Variants in BMAL2 observed in about 807,000 individuals in gnomAD.
The protein encoded by BMAL2 is basic helix-loop-helix ARNT-like protein 2.
chr12:27,372,668 A>AT, the BMAL2 span, among the ~76,000 whole-genome samples: 7 of 151,332 alleles, frequency 4.6e-5, no homozygotes, highest in Middle Eastern at 3.4e-3. Context: ...ACTTATTATT[A>AT]TTTTTTTTTA....
the BMAL2 span, among the ~76,000 whole-genome samples, chr12:27,420,163 A>G: frequency 2.0e-5 from 3 of 152,198 alleles, no homozygotes; most frequent in African/African-American, 7.2e-5. Flanking sequence ...GTAGCAGATG[A>G]ATTAGGTGCA....
the BMAL2 span, chr12:27,420,253 C>A: frequency 2.1e-6 from 2 of 974,320 alleles, no homozygotes; most frequent in South Asian, 1.6e-5. Flanking sequence ...AAGATATATA[C>A]TTTGCCTTCA....
At chr12:27,373,352 A>G in the BMAL2 span, among the ~76,000 whole-genome samples, 2 of 152,184 alleles carry the variant, frequency 1.3e-5, no homozygotes, top group Non-Finnish European at 2.9e-5. Context: ...TGATGAGTTC[A>G]GTTCTGGACA....
At chr12:27,400,473 A>G in the BMAL2 span, 1 of 1,371,094 alleles carries the variant, frequency 7.3e-7, no homozygotes, top group Non-Finnish European at 9.8e-7. Flanking sequence ...ATGTCAATAT[A>G]AGAAATTTAA....
At chr12:27,416,398 GA>G in the BMAL2 span, among the ~76,000 whole-genome samples, 24 of 147,954 alleles carry the variant, frequency 1.6e-4, no homozygotes, top group East Asian at 1.6e-3. Context: ...TTGAGGTTTG[GA>G]AAAAAAAAGC....
chr12:27,395,944 G>A, the BMAL2 span, among the ~76,000 whole-genome samples: 2 of 152,172 alleles, frequency 1.3e-5, no homozygotes, highest in East Asian at 3.8e-4. Flanking sequence ...CTTAACAATT[G>A]TGCGACCTTA....
the BMAL2 span, among the ~76,000 whole-genome samples, chr12:27,358,462 A>G: frequency 6.6e-6 from 1 of 152,198 alleles, no homozygotes; most frequent in Non-Finnish European, 1.5e-5. Flanking sequence ...AACTAGTACA[A>G]CCACTATAGG....
chr12:27,423,386 G>A, the BMAL2 span: 2 of 132,146 alleles, frequency 1.5e-5, no homozygotes, highest in Non-Finnish European at 3.1e-5. Flanking sequence ...CTGGAGTGCA[G>A]TGGCGCGATC....
the BMAL2 span, chr12:27,389,061 A>T: frequency 1.3e-6 from 1 of 767,534 alleles, no homozygotes; most frequent in Admixed American, 2.1e-5. Context: ...TGTCGTGGAC[A>T]TATCTTTGAG....
chr12:27,360,803 C>CAAAAAAAAAAAAAAAAAAAAA, the BMAL2 span, among the ~76,000 whole-genome samples: 42 of 46,784 alleles, frequency 9.0e-4, 8 homozygotes, highest in Admixed American at 2.8e-3. Flanking sequence ...GTGATTTGTC[C>CAAAAAAAAAAAAAAAAAAAAA]AAAAAAAAAA....
chr12:27,341,456 G>T, the BMAL2 span, among the ~76,000 whole-genome samples: 21 of 152,150 alleles, frequency 1.4e-4, no homozygotes, highest in African/African-American at 5.1e-4. Context: ...TGCTCCCCAC[G>T]GATAAAGCCT....
the BMAL2 span, among the ~76,000 whole-genome samples, chr12:27,378,664 C>A: frequency 6.6e-6 from 1 of 152,110 alleles, no homozygotes; most frequent in South Asian, 2.1e-4. Context: ...TCCTCTTGGG[C>A]AGTGGAAATG....
At chr12:27,333,131 CCCCAGGT>C in the BMAL2 span, 1 of 1,204,214 alleles carries the variant, frequency 8.3e-7, no homozygotes, top group Non-Finnish European at 1.0e-6. Context: ...GAGGCGACGG[CCCCAGGT>C]GGGCGCGCGG....
At chr12:27,345,760 T>C in the BMAL2 span, among the ~76,000 whole-genome samples, 1 of 152,190 alleles carries the variant, frequency 6.6e-6, no homozygotes, top group East Asian at 1.9e-4. Flanking sequence ...ATCTGGGCTT[T>C]CCAAAAGTGC....
At chr12:27,404,215 A>AT in the BMAL2 span, among the ~76,000 whole-genome samples, 46,505 of 137,510 alleles carry the variant, frequency 0.34, 8,182 homozygotes, top group East Asian at 0.57. Flanking sequence ...ACCACCATGC[A>AT]TTTTTTTTTT....
At chr12:27,418,877 G>A in the BMAL2 span, among the ~76,000 whole-genome samples, 1 of 151,830 alleles carries the variant, frequency 6.6e-6, no homozygotes, top group South Asian at 2.1e-4. Context: ...TACTCGGGAG[G>A]CTGAGACAGG....
At chr12:27,393,927 A>T in the BMAL2 span, among the ~76,000 whole-genome samples, 1 of 152,266 alleles carries the variant, frequency 6.6e-6, no homozygotes, top group East Asian at 1.9e-4. Context: ...ATACTGAAAG[A>T]TTACTCAGTT....
chr12:27,392,743 G>A, the BMAL2 span, among the ~76,000 whole-genome samples: 1 of 152,174 alleles, frequency 6.6e-6, no homozygotes, highest in African/African-American at 2.4e-5. Context: ...TTTGATGCAA[G>A]TTATAAATTG....
the BMAL2 span, among the ~76,000 whole-genome samples, chr12:27,410,886 T>C: frequency 1.3e-5 from 2 of 152,202 alleles, no homozygotes; most frequent in Non-Finnish European, 2.9e-5. Context: ...ATTTGGTAAA[T>C]TTAATTGTAT....
Sources: allele counts gnomAD v4.1 joint callset (sites outside exome capture counted in the v4.1 genomes callset), GRCh38; gene constraint gnomAD v4.1.1; transcripts MANE v1.5; gene names NCBI Gene and HGNC (gene_info 2026-07-23, HGNC 2026-07-21).